Variants in HERC1 observed in about 807,000 individuals in gnomAD.
The protein encoded by HERC1 is probable E3 ubiquitin-protein ligase HERC1.
A neutral mutation model predicts 554.3 loss-of-function variants in HERC1; 160 were observed. The ratio of observed to expected loss-of-function variants is 0.29; its 90% CI spans 0.25 to 0.33. The LOEUF is 0.33. Ranked by LOEUF, HERC1 falls within the 10% of genes least tolerant of loss-of-function variation. HERC1 has a pLI of 1.00. For synonymous variants in HERC1, 2,175 were observed against 2,131.7 expected (o/e 1.02, Z -0.56); for missense variants, 4,919 against 5,918.5 (o/e 0.83, Z 5.54).
chr15:63,729,474 A>C (rs370753889), intron 15 of HERC1, 23 bp downstream of exon 15: 2 of 1,609,454 alleles, frequency 1.2e-6, no homozygotes, highest in Middle Eastern at 1.7e-4. Context: ...ATAGATCACC[A>C]TAAAAGACAA....
chr15:63,744,460 G>A (rs1432475291), intron 12 of HERC1, among the ~76,000 whole-genome samples: 1 of 152,132 alleles, frequency 6.6e-6, no homozygotes, highest in East Asian at 1.9e-4. Context: ...CCTCAGGTGG[G>A]TCTAGAGGTG....
intron 3 of HERC1, among the ~76,000 whole-genome samples, chr15:63,762,664 A>T (rs2075650066): frequency 6.6e-6 from 1 of 152,132 alleles, no homozygotes; most frequent in Non-Finnish European, 1.5e-5. Context: ...CCAAGTTTGG[A>T]GGATGGTAGG....
chr15:63,652,839 T>G (rs1055814511), intron 51 of HERC1, among the ~76,000 whole-genome samples: 2 of 152,132 alleles, frequency 1.3e-5, no homozygotes, highest in South Asian at 2.1e-4. Flanking sequence ...TTAGTAGAGA[T>G]AGGTTTCGCC....
At chr15:63,730,158 TA>T (rs35881317) in intron 14 of HERC1, among the ~76,000 whole-genome samples, 225 of 142,204 alleles carry the variant, frequency 1.6e-3, no homozygotes, top group Admixed American at 2.3e-3. Context: ...TTTTTTCCAT[TA>T]AAAAAAAAAA....
intron 67 of HERC1, among the ~76,000 whole-genome samples, chr15:63,633,425 T>A (rs548287632): frequency 1.3e-5 from 2 of 152,370 alleles, no homozygotes; most frequent in South Asian, 4.1e-4. Context: ...GGACTCAGAT[T>A]TCCTTTGTAT....
chr15:63,675,642 T>TA (rs2071159081), intron 37 of HERC1, among the ~76,000 whole-genome samples: 1 of 152,228 alleles, frequency 6.6e-6, no homozygotes, highest in South Asian at 2.1e-4. Flanking sequence ...CTTCATTTCA[T>TA]AAAAAAGTTT....
chr15:63,805,850 G>A (rs1245959849), intron 1 of HERC1, among the ~76,000 whole-genome samples: 1 of 151,760 alleles, frequency 6.6e-6, no homozygotes, highest in Non-Finnish European at 1.5e-5. Context: ...AGCTGAGGCA[G>A]GAGGATTGCC....
chr15:63,670,784 G>A (rs777037127), intron 39 of HERC1, among the ~76,000 whole-genome samples: 5 of 152,108 alleles, frequency 3.3e-5, no homozygotes, highest in Admixed American at 6.5e-5. Context: ...GGCAAGCATC[G>A]TGGCTCACAC....
At position 63,718,883 on chromosome 15, in the gene HERC1, T is replaced by A; in HGVS notation, c.3757A>T (p.Thr1253Ser). The change falls in exon 20 of 78, where the codon ACT becomes TCT. Residue 1253 changes from threonine to serine, a missense_variant. By Grantham distance (58) the Thr-to-Ser change is moderately conservative (BLOSUM62 1). Around this residue, in one of 11 missense-constraint regions of HERC1, gnomAD observed 1,121 missense variants for 1,244.0 expected, o/e 0.90. Coordinates refer to ENST00000443617, the MANE Select transcript of HERC1 (RefSeq NM_003922.4). The surrounding 1 kb of genome is among the most constrained non-coding windows in gnomAD (Gnocchi z 4.2). ...TCCAAGAGTGACTCATTACTTAAAG[T>A]TGCACTGTCCCAATCTGAAAATAAA... is the stretch of plus-strand genomic sequence containing the variant. ...YAVSKDWDSA[T>S]LSNESLLDTV... 1 of 1,609,470 alleles carries A rather than the reference T, an allele frequency of 6.2e-7. No individual in the cohort carries two copies. The highest frequency in any genetic ancestry group is 8.5e-7 in the Non-Finnish European group (1 of 1,176,484).
chr15:63,614,005 A>G (rs2067710707), intron 76 of HERC1, among the ~76,000 whole-genome samples: 1 of 152,164 alleles, frequency 6.6e-6, no homozygotes, highest in Non-Finnish European at 1.5e-5. Context: ...TGGAAAAAAA[A>G]TTAGGCTGAG....
rs567210985 is a variant in HERC1 at position 63,615,932 on chromosome 15, A to C, written c.13942-12T>G. On this transcript the variant is annotated splice_polypyrimidine_tract_variant and intron_variant, in intron 75 of 77. Transcript: ENST00000443617. ...TCAAGAGGAATCATCTAGGAACAGA[A>C]GAAAACAGAATTTTTATTACATGGT... The C allele has an allele frequency of 5.1e-6, 8 of 1,569,080 alleles. No homozygotes were observed. In the East Asian group the frequency reaches 1.8e-4, roughly 36 times the overall value.
chr15:63,654,401 G>C, intron 50 of HERC1, 77 bp from the exon 51 acceptor site: 1 of 1,114,838 alleles, frequency 9.0e-7, no homozygotes, highest in Non-Finnish European at 1.3e-6. Flanking sequence ...ATGAAATGAT[G>C]CTCAGGTGAG....
chr15:63,717,482 G>A (rs8026567), intron 21 of HERC1, among the ~76,000 whole-genome samples: 2 of 152,144 alleles, frequency 1.3e-5, no homozygotes, highest in Admixed American at 1.3e-4. Context: ...ATAATTTTAC[G>A]ATCATGTTAT....
chr15:63,806,743 T>C (rs948510297), intron 1 of HERC1, among the ~76,000 whole-genome samples: 1 of 152,192 alleles, frequency 6.6e-6, no homozygotes, highest in Non-Finnish European at 1.5e-5. Context: ...GCCTTTGTTG[T>C]TGTAAGTTGG....
At chr15:63,635,696 G>C (rs1195812373) in intron 65 of HERC1, among the ~76,000 whole-genome samples, 1 of 152,088 alleles carries the variant, frequency 6.6e-6, no homozygotes, top group Non-Finnish European at 1.5e-5. Flanking sequence ...CCTTCCAAGG[G>C]CGTGCAGCAC....
chr15:63,744,815 G>T (rs1236631620), intron 12 of HERC1, among the ~76,000 whole-genome samples: 1 of 152,220 alleles, frequency 6.6e-6, no homozygotes, highest in Non-Finnish European at 1.5e-5. Flanking sequence ...CTGGAATCAG[G>T]GATCCCAAGA....
At chr15:63,700,236 T>A (rs1209040173) in intron 25 of HERC1, among the ~76,000 whole-genome samples, 1 of 152,160 alleles carries the variant, frequency 6.6e-6, no homozygotes, top group Non-Finnish European at 1.5e-5. Context: ...ATTGCTAATA[T>A]TCATCCACAT....
intron 77 of HERC1, among the ~76,000 whole-genome samples, chr15:63,611,883 A>G (rs943307380): frequency 2.0e-5 from 3 of 152,188 alleles, no homozygotes; most frequent in Non-Finnish European, 4.4e-5. Context: ...TCCCCAACAT[A>G]AAAGCAACAA....
rs1204183445 is a variant in HERC1 at position 63,775,576 on chromosome 15, C to T, written c.48G>A (p.Leu16=). 2.5e-6 allele frequency: 4 copies of T among 1,610,564 alleles called. No homozygotes were observed. The highest frequency in any genetic ancestry group is 1.6e-4 in the Middle Eastern group (1 of 6,062). The change falls in exon 2 of 78, where the codon TTG becomes TTA. Residue 16 remains leucine, a synonymous_variant. Coordinates refer to ENST00000443617, the MANE Select transcript of HERC1 (RefSeq NM_003922.4). The surrounding 1 kb of genome is among the most constrained non-coding windows in gnomAD (Gnocchi z 4.0). The part of the protein sequence containing the change: ...PPVKLKWLEH[L]NSSWITEDSE... Reference sequence around the variant, plus strand: ...TGTCCTCTGTAATCCAGGAGCTGTTCAAGTGTTCAAGCCATTTCAGCTTCA... The same window carrying T: ...TGTCCTCTGTAATCCAGGAGCTGTTTAAGTGTTCAAGCCATTTCAGCTTCA...
Sources: allele counts gnomAD v4.1 joint callset (sites outside exome capture counted in the v4.1 genomes callset), GRCh38; gene constraint gnomAD v4.1.1; regional missense constraint gnomAD v4.1.1; non-coding constraint Gnocchi (gnomAD v3.1); transcripts MANE v1.5; gene names NCBI Gene and HGNC (gene_info 2026-07-23, HGNC 2026-07-21).